MYRIP: variants seen among roughly 807,000 people sequenced by gnomAD.
MYRIP encodes myosin VIIA and Rab interacting protein, also known as rab effector MyRIP.
A neutral mutation model predicts 98.0 loss-of-function variants in MYRIP; 49 were observed. The ratio of observed to expected loss-of-function variants is 0.50; its 90% CI spans 0.40 to 0.63. MYRIP has a LOEUF of 0.63. Among genes scored for constraint, MYRIP ranks in the 30% least tolerant of loss-of-function variants. MYRIP has a pLI of 0.00. For missense variants in MYRIP, 1,004 were observed against 1,058.2 expected (o/e 0.95, Z 0.71); for synonymous variants, 404 against 409.5 (o/e 0.99, Z 0.16).
chr3:39,945,253 T>G (rs534417683), intron 2 of MYRIP, among the ~76,000 whole-genome samples: 1 of 145,400 alleles, frequency 6.9e-6, no homozygotes, highest in East Asian at 2.0e-4. Flanking sequence ...GCAGATCACT[T>G]GAGCCCAGGA....
intron 3 of MYRIP, among the ~76,000 whole-genome samples, chr3:40,106,281 C>A (rs1272654350): frequency 6.6e-6 from 1 of 151,864 alleles, no homozygotes; most frequent in African/African-American, 2.4e-5. Flanking sequence ...GCAGGAAACT[C>A]AACAGCGTAA....
At chr3:39,922,623 GCAA>G (rs1301304734) in intron 2 of MYRIP, among the ~76,000 whole-genome samples, 1 of 152,186 alleles carries the variant, frequency 6.6e-6, no homozygotes, top group East Asian at 1.9e-4. Flanking sequence ...CCACCCAGCA[GCAA>G]CAAGGAGCTC....
chr3:40,132,121 C>A (rs1290902343), intron 3 of MYRIP, among the ~76,000 whole-genome samples: 1 of 151,654 alleles, frequency 6.6e-6, no homozygotes, highest in African/African-American at 2.4e-5. Flanking sequence ...AATGCCTTCC[C>A]AGAGCTGGGA....
chr3:40,246,153 G>A (rs1378267685), intron 13 of MYRIP, among the ~76,000 whole-genome samples: 3 of 151,656 alleles, frequency 2.0e-5, no homozygotes, highest in Non-Finnish European at 2.9e-5. Flanking sequence ...TGACTGAAGT[G>A]AGTCTCAATC....
intron 3 of MYRIP, among the ~76,000 whole-genome samples, chr3:40,072,089 G>T (rs1346550146): frequency 6.6e-6 from 1 of 152,234 alleles, no homozygotes; most frequent in Non-Finnish European, 1.5e-5. Flanking sequence ...TTATTCAGTG[G>T]CTCAGGGGCC....
chr3:40,040,220 A>G (rs1262045493), intron 2 of MYRIP, among the ~76,000 whole-genome samples: 1 of 152,122 alleles, frequency 6.6e-6, no homozygotes, highest in African/African-American at 2.4e-5. Context: ...CAAAAAACAC[A>G]TGAAGAAATG....
At chr3:39,966,237 G>T (rs1282872456) in intron 2 of MYRIP, among the ~76,000 whole-genome samples, 1 of 152,114 alleles carries the variant, frequency 6.6e-6, no homozygotes, top group Non-Finnish European at 1.5e-5. Context: ...TCAAAAACAG[G>T]CAGGCCTAAG....
intron 11 of MYRIP, among the ~76,000 whole-genome samples, chr3:40,219,151 A>C (rs1952244891): frequency 6.6e-6 from 1 of 152,228 alleles, no homozygotes; most frequent in African/African-American, 2.4e-5. Context: ...TTCATACATC[A>C]TACTACATAC....
chr3:40,147,765 A>T (rs1950038807), intron 3 of MYRIP, among the ~76,000 whole-genome samples: 1 of 152,232 alleles, frequency 6.6e-6, no homozygotes, highest in African/African-American at 2.4e-5. Context: ...CAGAACAAAG[A>T]CGTGGCTCCT....
chr3:39,826,543 T>G (rs1294630271), intron 1 of MYRIP, among the ~76,000 whole-genome samples: 1 of 152,168 alleles, frequency 6.6e-6, no homozygotes, highest in Non-Finnish European at 1.5e-5. Context: ...TTTTAAAAAA[T>G]TTTTTGAGAC....
chr3:39,856,116 G>A (rs1559498125), intron 1 of MYRIP, among the ~76,000 whole-genome samples: 1 of 152,150 alleles, frequency 6.6e-6, no homozygotes, highest in Non-Finnish European at 1.5e-5. Flanking sequence ...TTCCCCAGTG[G>A]GGATGTGTGT....
intron 9 of MYRIP, among the ~76,000 whole-genome samples, chr3:40,187,547 G>A (rs1951072163): frequency 6.6e-6 from 1 of 152,226 alleles, no homozygotes; most frequent in Non-Finnish European, 1.5e-5. Context: ...TTTTTCACCA[G>A]TCAGAGAACC....
intron 2 of MYRIP, among the ~76,000 whole-genome samples, chr3:40,036,324 A>AAAAAAAAAAAAAAAAAAAAC (rs1553607293): frequency 1.6e-5 from 2 of 125,628 alleles, no homozygotes; most frequent in Admixed American, 8.8e-5. Context: ...AAAAAAAAAA[A>AAAAAAAAAAAAAAAAAAAAC]CTTTATTCAA....
chr3:39,920,260 A>T (rs186513536), intron 2 of MYRIP, among the ~76,000 whole-genome samples: 1 of 152,134 alleles, frequency 6.6e-6, no homozygotes. Flanking sequence ...TTAAATTTTT[A>T]TATCTGTTTA....
intron 2 of MYRIP, among the ~76,000 whole-genome samples, chr3:40,037,003 AAC>A (rs1947399250): frequency 7.2e-6 from 1 of 137,982 alleles, no homozygotes; most frequent in South Asian, 2.2e-4. Context: ...ATAATGAAAA[AAC>A]ACAGAGAGCA....
At chr3:40,029,300 A>G (rs923343906) in intron 2 of MYRIP, among the ~76,000 whole-genome samples, 3 of 152,134 alleles carry the variant, frequency 2.0e-5, no homozygotes, top group East Asian at 1.9e-4. Flanking sequence ...GTGTATGTAT[A>G]TATTTTACCC....
chr3:40,188,725 C>A (rs558664608), intron 9 of MYRIP, among the ~76,000 whole-genome samples: 15 of 152,016 alleles, frequency 9.9e-5, no homozygotes, highest in African/African-American at 2.7e-4. Flanking sequence ...TGCAGTGAGT[C>A]GAGATCGTGC....
chr3:39,916,073 T>C (rs544422319), intron 2 of MYRIP, among the ~76,000 whole-genome samples: 4 of 152,112 alleles, frequency 2.6e-5, no homozygotes, highest in Admixed American at 2.6e-4. Context: ...GATAGACATC[T>C]CCTCTCCAAA....
intron 3 of MYRIP, among the ~76,000 whole-genome samples, chr3:40,058,351 A>G (rs1390624685): frequency 6.6e-6 from 1 of 152,184 alleles, no homozygotes; most frequent in Non-Finnish European, 1.5e-5. Flanking sequence ...AAGTCCCTAG[A>G]AACTAAAAAA....
Sources: allele counts gnomAD v4.1 joint callset (sites outside exome capture counted in the v4.1 genomes callset), GRCh38; gene constraint gnomAD v4.1.1; transcripts MANE v1.5; gene names NCBI Gene and HGNC (gene_info 2026-07-23, HGNC 2026-07-21).